ANK3: variants seen among roughly 807,000 people sequenced by gnomAD.
The protein encoded by ANK3 is ankyrin-3.
A neutral mutation model predicts 370.9 loss-of-function variants in ANK3; 57 were observed. The observed-to-expected ratio is 0.15, with a 90% CI of 0.12 to 0.19. The LOEUF (loss-of-function observed/expected upper bound fraction) is 0.19. Among genes scored for constraint, ANK3 ranks in the 10% least tolerant of loss-of-function variants. The pLI is 1.00. For synonymous variants in ANK3, 1,929 were observed against 1,946.3 expected, an observed-to-expected ratio of 0.99 and a Z score of 0.23; for missense variants, 4,439 against 5,302.1, an observed-to-expected ratio of 0.84 and a Z score of 5.06.
chr10:60,336,180 G>T (rs1275589538), intron 1 of ANK3, among the ~76,000 whole-genome samples: 12 of 152,066 alleles, frequency 7.9e-5, no homozygotes, highest in African/African-American at 2.9e-4. Flanking sequence ...TCTTGCAAAA[G>T]GTGAGGTTAA....
chr10:60,503,399 T>C lies in ANK3; in HGVS notation c.96+111787A>G, dbSNP rs371411480. 1.6e-4 allele frequency among the ~76,000 whole-genome samples: 24 copies of C among 152,332 alleles called. No individual in the cohort carries two copies. The East Asian group carries it at 2.5e-3, about 16-fold the overall frequency. ...GAACTATGCAAGCACTTTATATGGATTGTCTCACTAAATCCTCATAATAGC... is the reference window on the plus strand; with the variant it reads ...GAACTATGCAAGCACTTTATATGGACTGTCTCACTAAATCCTCATAATAGC... On this transcript the variant is annotated intron_variant, in intron 2 of 43. Transcript: ENST00000373827.
chr10:60,041,083 G>A (rs1440904630), intron 43 of ANK3, among the ~76,000 whole-genome samples: 1 of 152,122 alleles, frequency 6.6e-6, no homozygotes, highest in African/African-American at 2.4e-5. Flanking sequence ...ACCAAGTTGT[G>A]TTGAAATTTT....
intron 1 of ANK3, among the ~76,000 whole-genome samples, chr10:60,698,838 C>T (rs2079505691): frequency 6.7e-6 from 1 of 150,112 alleles, no homozygotes. Context: ...ACCAGCATGG[C>T]ACATGTATAC....
intron 1 of ANK3, among the ~76,000 whole-genome samples, chr10:60,388,414 A>C (rs1479924028): frequency 6.6e-6 from 1 of 152,226 alleles, no homozygotes; most frequent in Non-Finnish European, 1.5e-5. Context: ...TTTAGAAAGC[A>C]CATGCCTTAC....
intron 2 of ANK3, among the ~76,000 whole-genome samples, chr10:60,603,577 AAAATGCT>A (rs1241374769): frequency 2.8e-4 from 43 of 152,298 alleles, no homozygotes; most frequent in African/African-American, 1.0e-3. Flanking sequence ...ATTTGCAGAA[AAAATGCT>A]AAATGCTATT....
At chr10:60,687,447 A>G (rs957903607) in intron 1 of ANK3, among the ~76,000 whole-genome samples, 1 of 152,160 alleles carries the variant, frequency 6.6e-6, no homozygotes, top group South Asian at 2.1e-4. Context: ...ACACAAAAAA[A>G]ATGCTCGACA....
At chr10:60,347,292 A>G (rs1434970159) in intron 1 of ANK3, among the ~76,000 whole-genome samples, 2 of 151,982 alleles carry the variant, frequency 1.3e-5, no homozygotes, top group African/African-American at 4.8e-5. Flanking sequence ...TTTTAAGGGA[A>G]CATCAGCTTG....
chr10:60,617,572 C>T (rs2078282507), intron 1 of ANK3, among the ~76,000 whole-genome samples: 1 of 152,122 alleles, frequency 6.6e-6, no homozygotes, highest in African/African-American at 2.4e-5. Context: ...ACAGAAATCC[C>T]TTCAGTGCCT....
At chr10:60,338,575 G>A (rs1405176644) in intron 1 of ANK3, among the ~76,000 whole-genome samples, 1 of 152,090 alleles carries the variant, frequency 6.6e-6, no homozygotes, top group Non-Finnish European at 1.5e-5. Flanking sequence ...AACATGTATT[G>A]GGCAATGGAA....
chr10:60,331,414 AAAAAC>A (rs1276918464), intron 1 of ANK3, among the ~76,000 whole-genome samples: 1 of 152,178 alleles, frequency 6.6e-6, no homozygotes, highest in Non-Finnish European at 1.5e-5. Context: ...AGATTGGAAA[AAAAAC>A]AAAACAAAAT....
At chr10:60,390,308 C>T (rs1165889073), upstream of ANK3, among the ~76,000 whole-genome samples, 4 of 152,136 alleles carry the variant, frequency 2.6e-5, no homozygotes, top group Non-Finnish European at 5.9e-5. Context: ...GATTACAACA[C>T]ATCATACAGA....
chr10:60,051,641 T>G (rs1334116894), intron 42 of ANK3: 1 of 508,650 alleles, frequency 2.0e-6, no homozygotes, highest in African/African-American at 2.1e-5. Context: ...CAAGAAAGAA[T>G]TACACTTACT....
At chr10:60,208,604 C>A (rs945121333) in intron 9 of ANK3, among the ~76,000 whole-genome samples, 3 of 152,088 alleles carry the variant, frequency 2.0e-5, no homozygotes, top group African/African-American at 4.8e-5. Context: ...GATCCTCCTG[C>A]CTTAGCTTTT....
chr10:60,419,775 C>A (rs948106743), intron 2 of ANK3, among the ~76,000 whole-genome samples: 4 of 152,136 alleles, frequency 2.6e-5, no homozygotes, highest in Non-Finnish European at 5.9e-5. Flanking sequence ...TCAGGTGAGG[C>A]CACACTTTCA....
intron 1 of ANK3, among the ~76,000 whole-genome samples, chr10:60,630,271 A>C (rs2078464166): frequency 6.6e-6 from 1 of 152,172 alleles, no homozygotes. Context: ...AAAAAACTAA[A>C]ATGTTTCTTT....
At chr10:60,501,705 CAAAAAAA>C (rs376934079) in intron 2 of ANK3, among the ~76,000 whole-genome samples, 2 of 79,800 alleles carry the variant, frequency 2.5e-5, no homozygotes, top group East Asian at 7.5e-4. Flanking sequence ...GACTCTGTCT[CAAAAAAA>C]AAAAAAAAAA....
At chr10:60,655,385 C>T (rs955012851) in intron 1 of ANK3, among the ~76,000 whole-genome samples, 2 of 151,600 alleles carry the variant, frequency 1.3e-5, no homozygotes, top group Admixed American at 6.6e-5. Context: ...GATCCTAACC[C>T]TGTATACACC....
chr10:60,547,646 G>T (rs948558408), intron 2 of ANK3, among the ~76,000 whole-genome samples: 5 of 150,660 alleles, frequency 3.3e-5, no homozygotes, highest in African/African-American at 1.2e-4. Flanking sequence ...GGGTGGGGAG[G>T]GTGGTGGTGG....
intron 43 of ANK3, among the ~76,000 whole-genome samples, chr10:60,030,418 A>G (rs907127698): frequency 1.3e-5 from 2 of 152,178 alleles, no homozygotes; most frequent in African/African-American, 2.4e-5. Flanking sequence ...CTGGGATTAC[A>G]GGCATGAGCC....
Sources: gnomAD v4.1 joint callset for allele counts (sites outside exome capture counted in the v4.1 genomes callset) on GRCh38, gnomAD v4.1.1 for gene constraint, MANE v1.5 for transcripts, NCBI Gene and HGNC (gene_info 2026-07-23, HGNC 2026-07-21) for gene names.